DOP1B: variants seen among roughly 807,000 people sequenced by gnomAD.
DOP1B encodes DOP1 leucine zipper like protein B, also known as protein DOP1B.
A neutral mutation model predicts 233.5 loss-of-function variants in DOP1B; 174 were observed. The ratio of observed to expected loss-of-function variants is 0.75; its 90% CI spans 0.66 to 0.85. The LOEUF (loss-of-function observed/expected upper bound fraction) is 0.85. DOP1B is among the 40% of genes least tolerant of loss of function. The probability of loss-of-function intolerance (pLI) is 0.00; values close to 1 mark genes in which losing one functional copy is unlikely to be tolerated. For missense variants in DOP1B, 2,652 were observed against 2,846.6 expected (o/e 0.93, Z 1.56); for synonymous variants, 1,190 against 1,185.6 (o/e 1.00, Z -0.08).
rs1387444809 is a variant in DOP1B, at chr21:36,208,854, GC to G, written c.636del (p.Gly213AlafsTer16). On this transcript the variant is annotated frameshift_variant, in exon 5 of 37. Coordinates refer to ENST00000691173, the MANE Select transcript of DOP1B (RefSeq NM_001320714.2). LOFTEE classifies it high-confidence loss of function. ...CGTGGTGGGCCACATCAACAGGGAT[GC>G]CCCCGGCCGGGAGCAGAAGTACATG... ...VFVVGHINRD[A>X]PGREQKYMLG... 7.0e-6 allele frequency: 11 copies of G among 1,576,244 alleles called. No homozygotes were observed. The highest frequency in any genetic ancestry group is 2.3e-5 in the East Asian group (1 of 43,104).
At chr21:36,225,254 G>T (rs865913338) in intron 11 of DOP1B, among the ~76,000 whole-genome samples, 2 of 150,758 alleles carry the variant, frequency 1.3e-5, no homozygotes, top group Non-Finnish European at 2.9e-5. Context: ...TTCTGAGACA[G>T]AGTCTTGCTC....
At chr21:36,200,910 T>C (rs1339905307) in intron 4 of DOP1B, among the ~76,000 whole-genome samples, 1 of 150,802 alleles carries the variant, frequency 6.6e-6, no homozygotes, top group African/African-American at 2.4e-5. Context: ...GGAGGTCGGG[T>C]TGCTCTTTCA....
intron 26 of DOP1B, among the ~76,000 whole-genome samples, chr21:36,265,198 C>T (rs2067217867): frequency 6.6e-6 from 1 of 152,172 alleles, no homozygotes; most frequent in South Asian, 2.1e-4. Context: ...GGGTTCAAGA[C>T]CAGCCTGGCC....
At chr21:36,287,976 C>A in intron 32 of DOP1B, 38 bp from the exon 33 acceptor site, 3 of 1,601,036 alleles carry the variant, frequency 1.9e-6, no homozygotes, top group Non-Finnish European at 2.6e-6. Flanking sequence ...CCCTAAACTG[C>A]ATATTTGTGT....
intron 32 of DOP1B, among the ~76,000 whole-genome samples, chr21:36,284,599 C>G (rs2146253582): frequency 6.6e-6 from 1 of 152,070 alleles, no homozygotes; most frequent in African/African-American, 2.4e-5. Context: ...ATCTCACACT[C>G]CTCTCAAATT....
intron 2 of DOP1B, among the ~76,000 whole-genome samples, chr21:36,198,595 T>C (rs1261336305): frequency 6.6e-6 from 1 of 152,172 alleles, no homozygotes; most frequent in Non-Finnish European, 1.5e-5. Context: ...CGCAGACGTG[T>C]CGTGTATCCT....
At position 36,275,828 on chromosome 21, in the gene DOP1B, T is replaced by G. The variant is rs114830356; in HGVS notation, c.5633-1193T>G. Among the ~76,000 whole-genome samples the G allele has an allele frequency of 3.8e-3, 583 of 152,152 alleles. 7 individuals carry two copies. The highest frequency in any genetic ancestry group is 0.014 in the African/African-American group (561 of 41,510). On this transcript the variant is annotated intron_variant, in intron 27 of 36. Coordinates refer to ENST00000691173, the MANE Select transcript of DOP1B (RefSeq NM_001320714.2). The stretch of plus-strand genomic sequence containing the variant: ...GTACCCAGCAGTGCATTCTTCTAGG[T>G]GAGTCCTTCCGAGGGAAAGAAGCAA...
chr21:36,203,928 T>C (rs891219100), intron 4 of DOP1B, among the ~76,000 whole-genome samples: 1 of 152,040 alleles, frequency 6.6e-6, no homozygotes, highest in Non-Finnish European at 1.5e-5. Context: ...TGTTTTGCTG[T>C]ACTAAGAAAA....
chr21:36,239,592 G>A (rs748222639), intron 17 of DOP1B, among the ~76,000 whole-genome samples, 173 bp from the exon 18 acceptor site: 3 of 152,140 alleles, frequency 2.0e-5, no homozygotes, highest in East Asian at 3.9e-4. Context: ...TGATTCCAAC[G>A]CGAAACCAAA....
At chr21:36,208,413 C>T (rs915126244) in intron 4 of DOP1B, among the ~76,000 whole-genome samples, 4 of 152,210 alleles carry the variant, frequency 2.6e-5, no homozygotes, top group African/African-American at 4.8e-5. Flanking sequence ...ATCCGTGGCA[C>T]GGCCAGGGTG....
intron 32 of DOP1B, among the ~76,000 whole-genome samples, chr21:36,285,823 A>G (rs2067475768): frequency 6.6e-6 from 1 of 152,110 alleles, no homozygotes; most frequent in Non-Finnish European, 1.5e-5. Flanking sequence ...CCTGGCCAAC[A>G]TGGTGAAACC....
chr21:36,269,528 A>AT (rs922470784), intron 26 of DOP1B, among the ~76,000 whole-genome samples: 22 of 150,324 alleles, frequency 1.5e-4, no homozygotes, highest in African/African-American at 2.7e-4. Context: ...TACATTATTA[A>AT]TTTTTTTTTT....
intron 2 of DOP1B, among the ~76,000 whole-genome samples, chr21:36,198,147 C>T (rs1344588058): frequency 1.3e-5 from 2 of 151,696 alleles, no homozygotes. Flanking sequence ...AAGATTAAGC[C>T]GGCCAGGCGC....
At chr21:36,173,119 CAA>C (rs1332695852) in intron 2 of DOP1B, among the ~76,000 whole-genome samples, 1 of 151,714 alleles carries the variant, frequency 6.6e-6, no homozygotes, top group African/African-American at 2.4e-5. Context: ...GACTCTGTCT[CAA>C]AAAAGAGTTG....
Position 36,278,202 on chromosome 21 carries a change from C to T in DOP1B, c.5823-7C>T, listed in dbSNP as rs2067375869. 1.2e-6 allele frequency: 2 copies of T among 1,613,722 alleles called. No individual in the cohort carries two copies. Among genetic ancestry groups the T allele is most frequent in the Non-Finnish European group, 1.7e-6 (2 of 1,179,830 alleles). ...CTTGACCCTTCTCTCTTCCCACTCC[C>T]ACTCAGTGCCTACAATGCTCCCAGC... is the stretch of plus-strand genomic sequence containing the variant. On this transcript the variant is annotated splice_region_variant and splice_polypyrimidine_tract_variant and intron_variant, in intron 29 of 36. Coordinates refer to ENST00000691173, the MANE Select transcript of DOP1B (RefSeq NM_001320714.2).
At chr21:36,260,260 A>AGGG (rs1431939452) in intron 23 of DOP1B, among the ~76,000 whole-genome samples, 27 of 93,066 alleles carry the variant, frequency 2.9e-4, no homozygotes, top group African/African-American at 1.9e-3. Context: ...GGGAGGAAGG[A>AGGG]AGGAAGGAAA....
Position 36,158,522 on chromosome 21 carries a change from G to A in DOP1B, c.-27+1579G>A, listed in dbSNP as rs1360657687. ...CGTGTATTGCAGTAAAGAAATGCATGCAGCCGGGCGTGGTGGCTCACACCT... is the reference window on the plus strand; with the variant it reads ...CGTGTATTGCAGTAAAGAAATGCATACAGCCGGGCGTGGTGGCTCACACCT... On this transcript the variant is annotated intron_variant, in intron 1 of 36. Transcript: ENST00000691173. Among the ~76,000 whole-genome samples the A allele has an allele frequency of 3.3e-5, 5 of 152,230 alleles. No homozygotes were observed. In the East Asian group the frequency reaches 9.6e-4, roughly 29 times the overall value.
intron 2 of DOP1B, among the ~76,000 whole-genome samples, chr21:36,190,869 A>G (rs1412520597): frequency 6.6e-6 from 1 of 152,204 alleles, no homozygotes; most frequent in Non-Finnish European, 1.5e-5. Context: ...CAAAGCCTGG[A>G]TGGAGGATGG....
At position 36,219,505 on chromosome 21, in the gene DOP1B, C is replaced by T; in HGVS notation, c.1250+13C>T. On this transcript the variant is annotated intron_variant, in intron 10 of 36. Coordinates refer to ENST00000691173, the MANE Select transcript of DOP1B (RefSeq NM_001320714.2). ...ATTCGCTGATAAGGTATGGGTTTGG[C>T]CTTGAACCTCACGCATCTCTCTCCC... 1 of 1,612,854 alleles carries T rather than the reference C, an allele frequency of 6.2e-7. No individual in the cohort carries two copies. Among genetic ancestry groups the T allele is most frequent in the Non-Finnish European group, 8.5e-7 (1 of 1,179,374 alleles).
Sources: allele counts gnomAD v4.1 joint callset (sites outside exome capture counted in the v4.1 genomes callset), GRCh38; gene constraint gnomAD v4.1.1; transcripts MANE v1.5; gene names NCBI Gene and HGNC (gene_info 2026-07-23, HGNC 2026-07-21).